FGF7: variants seen among roughly 807,000 people sequenced by gnomAD.
FGF7 encodes fibroblast growth factor 7, also known as FGF-7.
FGF7 carries 6 observed loss-of-function variants against 20.5 expected under a neutral mutation model. The ratio of observed to expected loss-of-function variants is 0.29; its 90% CI spans 0.16 to 0.58. FGF7 has a LOEUF of 0.58. Among genes scored for constraint, FGF7 ranks in the 20% least tolerant of loss-of-function variants. The pLI is 0.90. For synonymous variants in FGF7, 64 were observed against 74.7 expected (o/e 0.86, Z 0.74); for missense variants, 144 against 228.8 (o/e 0.63, Z 2.39).
chr15:49,470,093 T>C (rs1301911559), intron 2 of FGF7, among the ~76,000 whole-genome samples: 2 of 152,130 alleles, frequency 1.3e-5, no homozygotes, highest in Non-Finnish European at 2.9e-5. Context: ...GACATTCTAA[T>C]GTTGCTCCAT....
chr15:49,449,930 G>C (rs755935664), intron 2 of FGF7, among the ~76,000 whole-genome samples: 1 of 151,988 alleles, frequency 6.6e-6, no homozygotes, highest in Non-Finnish European at 1.5e-5. Context: ...GAAATGTATG[G>C]AGGGAACACT....
chr15:49,438,327 T>C (rs1407832926), intron 2 of FGF7, among the ~76,000 whole-genome samples: 1 of 151,772 alleles, frequency 6.6e-6, no homozygotes, highest in African/African-American at 2.4e-5. Context: ...GTTAAAAATT[T>C]AACCTTTCTT....
rs529505577 is a variant in FGF7, at chr15:49,457,215, G to A, written c.287-25936G>A. Among the ~76,000 whole-genome samples, 16 of 152,126 alleles carry A rather than the reference G, an allele frequency of 1.1e-4. No individual in the cohort carries two copies. The East Asian group carries it at 2.9e-3, about 28-fold the overall frequency. On this transcript the variant is annotated intron_variant, in intron 2 of 3. Transcript: ENST00000267843. ...CAGTTTATTGGATTCATTGGAATCAGGAGAAAGTAGGCAAAGAGAGAAGAG... is the reference window on the plus strand; with the variant it reads ...CAGTTTATTGGATTCATTGGAATCAAGAGAAAGTAGGCAAAGAGAGAAGAG...
Position 49,488,576 on chromosome 15 carries a change from G to C in FGF7, c.*4072G>C, listed in dbSNP as rs1447810315. The C allele has an allele frequency of 1.3e-5, 2 of 151,918 alleles. No individual in the cohort carries two copies. Among genetic ancestry groups the C allele is most frequent in the Non-Finnish European group, 2.9e-5 (2 of 67,920 alleles). The allele number at this position is 151,918 out of a possible 1,614,324, so 9.4% of individuals were successfully genotyped here. A position where few individuals can be genotyped will look rare whatever the true frequency, so the allele number is the denominator to read the frequency against. On this transcript the variant is annotated 3_prime_UTR_variant, in exon 4 of 4. Transcript: ENST00000267843. ...TTTCCTTTTACTTCCTGGTTATCAT[G>C]TGGTTGCATTTTCCAAGTTCTTATC...
At chr15:49,479,600 T>TTTTTTTG (rs1491415173) in intron 2 of FGF7, among the ~76,000 whole-genome samples, 225 of 15,086 alleles carry the variant, frequency 0.015, 4 homozygotes, top group African/African-American at 0.029. Flanking sequence ...AATACCTCTG[T>TTTTTTTG]TTTTTTTTTT....
rs2049936829 is a variant in FGF7 at position 49,424,284 on chromosome 15, A to C, written c.-14A>C. On this transcript the variant is annotated 5_prime_UTR_variant, in exon 2 of 4. Coordinates refer to ENST00000267843, the MANE Select transcript of FGF7 (RefSeq NM_002009.4). ...CATTATGTTATTCATGAACACCCGG[A>C]GCACTACACTATAATGCACAAATGG... 1 of 1,605,026 alleles carries C rather than the reference A, an allele frequency of 6.2e-7. No individual in the cohort carries two copies. Among genetic ancestry groups the C allele is most frequent in the Non-Finnish European group, 8.5e-7 (1 of 1,173,074 alleles).
At chr15:49,481,934 A>G (rs2055984734) in intron 2 of FGF7, among the ~76,000 whole-genome samples, 1 of 152,168 alleles carries the variant, frequency 6.6e-6, no homozygotes, top group Non-Finnish European at 1.5e-5. Flanking sequence ...TTAAATCCCA[A>G]TGACATGAAT....
At chr15:49,473,320 T>G (rs779831491) in intron 2 of FGF7, among the ~76,000 whole-genome samples, 16 of 152,136 alleles carry the variant, frequency 1.1e-4, no homozygotes, top group Non-Finnish European at 1.8e-4. Context: ...ATTTATAACC[T>G]TAACAAACCA....
chr15:49,438,151 T>C (rs2051285171), intron 2 of FGF7, among the ~76,000 whole-genome samples: 2 of 151,548 alleles, frequency 1.3e-5, no homozygotes. Context: ...TGCAGGGAAG[T>C]CTCATATCTT....
chr15:49,432,348 A>G (rs534992496), intron 2 of FGF7, among the ~76,000 whole-genome samples: 2 of 151,786 alleles, frequency 1.3e-5, no homozygotes, highest in South Asian at 4.1e-4. Flanking sequence ...TCTCTAACTA[A>G]CCTGCTGAGA....
chr15:49,432,239 T>C (rs772279967), intron 2 of FGF7, among the ~76,000 whole-genome samples: 6 of 151,712 alleles, frequency 4.0e-5, no homozygotes, highest in Non-Finnish European at 7.4e-5. Context: ...CAGAATGAAC[T>C]CAGCTTGCAG....
chr15:49,425,539 A>G (rs1180944156), intron 2 of FGF7: 2 of 152,004 alleles, frequency 1.3e-5, no homozygotes, highest in South Asian at 2.1e-4. Flanking sequence ...ATATAATTTC[A>G]TATTAATTGT....
At chr15:49,434,503 C>G (rs1235901484) in intron 2 of FGF7, 1 of 151,180 alleles carries the variant, frequency 6.6e-6, no homozygotes, top group Non-Finnish European at 1.5e-5. Flanking sequence ...GAGGAAATAG[C>G]CTGAAGGATG....
intron 1 of FGF7, 72 bp downstream of exon 1, chr15:49,423,512 T>C (rs1419656491): frequency 2.0e-5 from 3 of 152,188 alleles, no homozygotes; most frequent in Non-Finnish European, 2.9e-5. Context: ...TTTCTGATTT[T>C]AGTACTGAGC....
At chr15:49,476,920 C>T (rs1332921793) in intron 2 of FGF7, among the ~76,000 whole-genome samples, 17 of 152,130 alleles carry the variant, frequency 1.1e-4, no homozygotes, top group East Asian at 9.7e-4. Flanking sequence ...ATTAGCCGGG[C>T]GTGGTGGCGG....
chr15:49,447,350 CT>C (rs2052318899), intron 2 of FGF7, among the ~76,000 whole-genome samples: 1 of 151,526 alleles, frequency 6.6e-6, no homozygotes, highest in African/African-American at 2.4e-5. Context: ...ACATTTTGAG[CT>C]TCTGTGAGGT....
At position 49,486,101 on chromosome 15, in the gene FGF7, T is replaced by A. The variant is rs2045993427; in HGVS notation, c.*1597T>A. 1 of 152,056 alleles carries A rather than the reference T, an allele frequency of 6.6e-6. No homozygotes were observed. Among genetic ancestry groups the A allele is most frequent in the Non-Finnish European group, 1.5e-5 (1 of 67,940 alleles). The allele number at this position is 152,056 out of a possible 1,614,324, so 9.4% of individuals were successfully genotyped here. On this transcript the variant is annotated 3_prime_UTR_variant, in exon 4 of 4. Transcript: ENST00000267843. ...TTCACCAATGGGAGGTCAATATTTATCTAATTTAAAAGGTATGCTAACCAC... is the reference window on the plus strand; with the variant it reads ...TTCACCAATGGGAGGTCAATATTTAACTAATTTAAAAGGTATGCTAACCAC...
intron 2 of FGF7, among the ~76,000 whole-genome samples, chr15:49,477,837 A>AT (rs2055494808): frequency 6.6e-6 from 1 of 152,240 alleles, no homozygotes; most frequent in African/African-American, 2.4e-5. Context: ...GCCAGCATAC[A>AT]GCACTGTTAG....
intron 2 of FGF7, among the ~76,000 whole-genome samples, chr15:49,481,058 T>A (rs1449144973): frequency 1.3e-5 from 2 of 152,176 alleles, no homozygotes; most frequent in Non-Finnish European, 2.9e-5. Flanking sequence ...TCTCTTTTTA[T>A]CTAAAAGAAA....
Sources: gnomAD v4.1 joint callset for allele counts (sites outside exome capture counted in the v4.1 genomes callset) on GRCh38, gnomAD v4.1.1 for gene constraint, MANE v1.5 for transcripts, NCBI Gene and HGNC (gene_info 2026-07-23, HGNC 2026-07-21) for gene names.